The following BTN3A3 variants were observed in gnomAD, a reference collection of about 807,000 sequenced individuals.
BTN3A3 encodes the protein butyrophilin 3.
Under a neutral mutation model 43.2 loss-of-function variants are expected in BTN3A3, and 39 were observed. That is an observed-to-expected ratio of 0.90 (90% confidence interval 0.70 to 1.18). BTN3A3 has a LOEUF of 1.18. Ranked by LOEUF, BTN3A3 falls within the 50% of genes most tolerant of loss-of-function variation. The pLI is 0.00. For missense variants in BTN3A3, 631 were observed against 722.8 expected (o/e 0.87, Z 1.46); for synonymous variants, 255 against 272.7 (o/e 0.93, Z 0.64).
At chr6:26,446,320 ATAGAGAAAGAGCTAATCTT>A (rs1367559341) in intron 5 of BTN3A3, among the ~76,000 whole-genome samples, 3 of 152,240 alleles carry the variant, frequency 2.0e-5, no homozygotes, top group Non-Finnish European at 4.4e-5. Flanking sequence ...TTACAAACTC[ATAGAGAAAGAGCTAATCTT>A]TTTGAAACAG....
chr6:26,445,848 C>T lies in BTN3A3; in HGVS notation c.578C>T (p.Pro193Leu). 2 of 1,614,174 alleles carry T rather than the reference C, an allele frequency of 1.2e-6. No homozygotes were observed. Among genetic ancestry groups the T allele is most frequent in the Non-Finnish European group, 1.7e-6 (2 of 1,180,048 alleles). ...GAGAACATCCCGGCTGTGGAAGCACCTGTGGTTGCAGATGGAGTGGGCCTG... is the reference window on the plus strand; with the variant it reads ...GAGAACATCCCGGCTGTGGAAGCACTTGTGGTTGCAGATGGAGTGGGCCTG... ...KGENIPAVEA[P>L]VVADGVGLYA... The change falls in exon 5 of 11, where the codon CCT (proline) becomes CTT (leucine). Residue 193 changes from proline (P) to leucine (L), a missense_variant. By Grantham distance (98) the Pro-to-Leu change is moderately conservative. This residue lies in a region of BTN3A3 where 551 missense variants were observed against 584.0 expected (regional missense o/e 0.94). Transcript: ENST00000244519.
In BTN3A3 at chr6:26,448,418, G is replaced by A. The variant is rs144686528; in HGVS notation, c.886G>A (p.Ala296Thr). The A allele has an allele frequency of 6.1e-5, 98 of 1,613,778 alleles. No individual in the cohort carries two copies. In the African/African-American group the frequency reaches 7.9e-4, roughly 13 times the overall value. The part of the protein sequence containing the change: ...REREMKEMGY[A>T]ATEQEISLRE... ...GCGAGAGATGAAAGAAATGGGATAC[G>A]CTGCAACAGAGCAAGAAATAAGCCT... Residue 296 changes from alanine to threonine, a missense_variant, in exon 6 of 11, where the codon GCT (alanine) becomes ACT (threonine). Around this residue, in one of 2 missense-constraint regions of BTN3A3, gnomAD observed 551 missense variants for 584.0 expected, o/e 0.94. Coordinates refer to ENST00000244519, the MANE Select transcript of BTN3A3 (RefSeq NM_006994.5).
chr6:26,448,806 C>T (rs1268596036), intron 8 of BTN3A3, 52 bp downstream of exon 8: 2 of 1,609,126 alleles, frequency 1.2e-6, no homozygotes, highest in Admixed American at 1.7e-5. Flanking sequence ...CTATGACTCT[C>T]TTCTGCTTGG....
intron 4 of BTN3A3, 179 bp from the exon 5 acceptor site, chr6:26,445,521 TACTG>T: frequency 1.4e-6 from 1 of 704,756 alleles, no homozygotes; most frequent in East Asian, 2.7e-5. Flanking sequence ...AGCCCCACAT[TACTG>T]ACCCTGGGAT....
rs781059479 is a variant in BTN3A3 at position 26,444,293 on chromosome 6, T to C, written c.422T>C (p.Leu141Pro). The C allele has an allele frequency of 6.2e-7, 1 of 1,612,074 alleles. No homozygotes were observed. Among genetic ancestry groups the C allele is most frequent in the Non-Finnish European group, 8.5e-7 (1 of 1,179,866 alleles). Residue 141 changes from leucine (L) to proline (P), a missense_variant, in exon 4 of 11, where the codon CTG (leucine) becomes CCG (proline). Physicochemically the swap from Leu to Pro is moderately conservative, Grantham distance 98. Coordinates refer to ENST00000244519, the MANE Select transcript of BTN3A3 (RefSeq NM_006994.5). ...TTCTACGAAAAAGCCCTGGTGGAGC[T>C]GAAGGTTGCAGGTGAGCCTCCAGGT... ...GDFYEKALVE[L>P]KVAALGSDLH...
intron 9 of BTN3A3, 127 bp downstream of exon 9, chr6:26,449,815 G>C (rs1475557149): frequency 8.0e-7 from 1 of 1,245,182 alleles, no homozygotes; most frequent in South Asian, 1.3e-5. Context: ...ACTCAATTTT[G>C]CATGGTAGGG....
intron 8 of BTN3A3, 143 bp from the exon 9 acceptor site, chr6:26,449,519 A>T: frequency 1.2e-6 from 1 of 821,074 alleles, no homozygotes; most frequent in Non-Finnish European, 2.0e-6. Flanking sequence ...AGAGGTGAAG[A>T]GAGAATTGAG....
At position 26,444,138 on chromosome 6, in the gene BTN3A3, G is replaced by A; in HGVS notation, c.267G>A (p.Gln89=). The A allele has an allele frequency of 6.2e-7, 1 of 1,613,050 alleles. No homozygotes were observed. The highest frequency in any genetic ancestry group is 8.5e-7 in the Non-Finnish European group (1 of 1,179,860). ...YADGKEVEDR[Q]SAPYRGRTSI... is the part of the protein sequence containing the mutation. ...ATGGAAAGGAAGTGGAAGACAGGCA[G>A]AGTGCACCGTATCGAGGGAGAACTT... Residue 89 remains glutamine (Q), a synonymous_variant, in exon 4 of 11, where the codon CAG becomes CAA. Transcript: ENST00000244519.
Position 26,448,734 on chromosome 6 carries a change from G to A in BTN3A3, c.944G>A (p.Arg315Lys). 1.9e-6 allele frequency: 3 copies of A among 1,613,924 alleles called. No individual in the cohort carries two copies. The highest frequency in any genetic ancestry group is 1.6e-4 in the Middle Eastern group (1 of 6,062). ...REKLQEELKW[R>K]KIQYMARGEK... Reference sequence around the variant, plus strand: ...CCTATTCATTCCATTGCAGAGTGGAGGAAAATCCAGTACATGGCTCGTGAG... The same window carrying A: ...CCTATTCATTCCATTGCAGAGTGGAAGAAAATCCAGTACATGGCTCGTGAG... The change falls in exon 8 of 11, where the codon AGG becomes AAG. Residue 315 changes from arginine (R) to lysine (K), a missense_variant. Arg to Lys is a conservative substitution (Grantham distance 26, BLOSUM62 2). Around this residue, in one of 2 missense-constraint regions of BTN3A3, gnomAD observed 551 missense variants for 584.0 expected, o/e 0.94. Coordinates refer to ENST00000244519, the MANE Select transcript of BTN3A3 (RefSeq NM_006994.5).
rs1236698808 is a variant in BTN3A3, at chr6:26,445,835, G to A, written c.565G>A (p.Ala189Thr). Residue 189 changes from alanine (A) to threonine (T), a missense_variant, in exon 5 of 11, where the codon GCT (alanine) becomes ACT (threonine). Around this residue, in one of 2 missense-constraint regions of BTN3A3, gnomAD observed 551 missense variants for 584.0 expected, o/e 0.94. Transcript: ENST00000244519. ...CGACACCAAGGGAGAGAACATCCCG[G>A]CTGTGGAAGCACCTGTGGTTGCAGA... Reference protein sequence around the residue: ...WSDTKGENIPAVEAPVVADGV... With the variant: ...WSDTKGENIPTVEAPVVADGV... 3 of 1,614,086 alleles carry A rather than the reference G, an allele frequency of 1.9e-6. No homozygotes were observed. The highest frequency in any genetic ancestry group is 1.3e-5 in the African/African-American group (1 of 74,920).
chr6:26,451,638 G>A lies in BTN3A3; in HGVS notation c.1019-37G>A, dbSNP rs760662394. 2.9e-5 allele frequency: 46 copies of A among 1,575,892 alleles called. No individual in the cohort carries two copies. In the Middle Eastern group the frequency reaches 1.0e-3, roughly 35 times the overall value. On this transcript the variant is annotated intron_variant, in intron 10 of 10. Coordinates refer to ENST00000244519, the MANE Select transcript of BTN3A3 (RefSeq NM_006994.5). ...TGAGGCTCTGAAATCCAGGAAAAAT[G>A]GCTGACCCCATGGACACCTCCTCAA...
intron 4 of BTN3A3, 122 bp downstream of exon 4, chr6:26,444,426 T>C: frequency 6.7e-7 from 1 of 1,486,880 alleles, no homozygotes; most frequent in Non-Finnish European, 9.2e-7. Context: ...CTGCACTGCC[T>C]CCCAACTTAG....
At chr6:26,447,813 A>C (rs931269895) in intron 5 of BTN3A3, among the ~76,000 whole-genome samples, 3 of 152,196 alleles carry the variant, frequency 2.0e-5, no homozygotes, top group African/African-American at 7.2e-5. Context: ...GCCAGCATTT[A>C]AACCCTTGCC....
At position 26,445,879 on chromosome 6, in the gene BTN3A3, A is replaced by G; in HGVS notation, c.609A>G (p.Ala203=). Residue 203 remains alanine, a synonymous_variant, in exon 5 of 11, where the codon GCA becomes GCG. Transcript: ENST00000244519. Reference sequence around the variant, plus strand: ...TTGCAGATGGAGTGGGCCTGTATGCAGTAGCAGCATCTGTGATCATGAGAG... The same window carrying G: ...TTGCAGATGGAGTGGGCCTGTATGCGGTAGCAGCATCTGTGATCATGAGAG... ...PVVADGVGLY[A]VAASVIMRGS... is the part of the protein sequence containing the mutation. 1.2e-6 allele frequency: 2 copies of G among 1,614,202 alleles called. No individual in the cohort carries two copies. The highest frequency in any genetic ancestry group is 1.7e-6 in the Non-Finnish European group (2 of 1,180,034).
Position 26,451,836 on chromosome 6 carries a change from A to T in BTN3A3, c.1180A>T (p.Arg394Ter). The part of the protein sequence containing the change: ...VLGCENFTSG[R>*]HYWEVEVGDR... Reference sequence around the variant, plus strand: ...TGGCTGTGAAAACTTCACATCAGGGAGACATTACTGGGAGGTGGAAGTGGG... The same window carrying T: ...TGGCTGTGAAAACTTCACATCAGGGTGACATTACTGGGAGGTGGAAGTGGG... Residue 394 changes from arginine (R) to a stop codon, truncating the protein, a stop_gained, in exon 11 of 11, where the codon AGA (arginine) becomes TGA (stop). Transcript: ENST00000244519. LOFTEE classifies it low-confidence loss of function (END_TRUNC). The T allele has an allele frequency of 1.2e-6, 2 of 1,614,148 alleles. No homozygotes were observed. The highest frequency in any genetic ancestry group is 1.7e-6 in the Non-Finnish European group (2 of 1,180,002).
Position 26,452,715 on chromosome 6 carries a change from A to G in BTN3A3, c.*304A>G. On this transcript the variant is annotated 3_prime_UTR_variant, in exon 11 of 11. Coordinates refer to ENST00000244519, the MANE Select transcript of BTN3A3 (RefSeq NM_006994.5). ...GGCAGGGCAACATGAAGTAACTTAC[A>G]TAACTCATACAGTAATTTGTGCAGT... 1 of 324,772 alleles carries G rather than the reference A, an allele frequency of 3.1e-6. No individual in the cohort carries two copies. The highest frequency in any genetic ancestry group is 4.6e-5 in the Admixed American group (1 of 21,582). The allele number at this position is 324,772 out of a possible 1,614,324, so 20.1% of individuals were successfully genotyped here.
rs1158671976 is a variant in BTN3A3, at chr6:26,453,383, C to T, written c.*972C>T. 6.6e-6 allele frequency: 1 copy of T among 152,102 alleles called. No individual in the cohort carries two copies. The highest frequency in any genetic ancestry group is 1.5e-5 in the Non-Finnish European group (1 of 68,026). 9.4% of individuals were successfully genotyped at this position (152,102 alleles called of 1,614,324 possible). On this transcript the variant is annotated 3_prime_UTR_variant, in exon 11 of 11. Transcript: ENST00000244519. ...CTACTTGGCAAGTGGTTGTCAAGTT[C>T]TAGTTGTTCAATAAATGTGTTAATA...
intron 10 of BTN3A3, 73 bp from the exon 11 acceptor site, chr6:26,451,602 G>A (rs992553273): frequency 3.0e-5 from 47 of 1,554,496 alleles, no homozygotes; most frequent in Non-Finnish European, 4.1e-5. Context: ...CATGGTCCAG[G>A]CCTTGCATGC....
chr6:26,452,688 G>A lies in BTN3A3; in HGVS notation c.*277G>A, dbSNP rs1424245118. ...GTCATATTTTGCAAGTATGGAAGCT[G>A]AGGCAGGGCAACATGAAGTAACTTA... On this transcript the variant is annotated 3_prime_UTR_variant, in exon 11 of 11. Coordinates refer to ENST00000244519, the MANE Select transcript of BTN3A3 (RefSeq NM_006994.5). 2.6e-6 allele frequency: 1 copy of A among 386,582 alleles called. No homozygotes were observed. Among genetic ancestry groups the A allele is most frequent in the Non-Finnish European group, 4.6e-6 (1 of 215,060 alleles). 23.9% of individuals were successfully genotyped at this position (386,582 alleles called of 1,614,324 possible).
Sources: gnomAD v4.1 joint callset for allele counts (sites outside exome capture counted in the v4.1 genomes callset) on GRCh38, gnomAD v4.1.1 for gene constraint, gnomAD v4.1.1 regional missense constraint, MANE v1.5 for transcripts, NCBI Gene and HGNC (gene_info 2026-07-23, HGNC 2026-07-21) for gene names.